Variants in PTGR3 observed in about 807,000 individuals in gnomAD.
PTGR3 encodes the protein prostaglandin reductase 3.
At chr18:75,208,790 C>A in the PTGR3 span, 1 of 1,322,356 alleles carries the variant, frequency 7.6e-7, no homozygotes. Context: ...GGGAGCGGCG[C>A]GGCGCGGCGC....
the PTGR3 span, chr18:75,197,375 T>C: frequency 6.6e-6 from 1 of 152,198 alleles, no homozygotes; most frequent in African/African-American, 2.4e-5. Flanking sequence ...AGACATCTCA[T>C]GTACCCCATA....
chr18:75,201,897 C>T, the PTGR3 span: 4 of 1,614,190 alleles, frequency 2.5e-6, 1 homozygote, highest in African/African-American at 4.0e-5. Flanking sequence ...AGGACGATCA[C>T]AGCCAAGAGA....
the PTGR3 span, chr18:75,202,416 C>T: frequency 6.9e-7 from 1 of 1,446,176 alleles, no homozygotes; most frequent in African/African-American, 1.4e-5. Flanking sequence ...AGAGAAATTC[C>T]TCTAGTTCTG....
the PTGR3 span, among the ~76,000 whole-genome samples, chr18:75,208,676 C>A: frequency 1.3e-4 from 20 of 152,212 alleles, no homozygotes; most frequent in Non-Finnish European, 2.8e-4. Context: ...TCACATTCGC[C>A]TTCGCCAGAT....
the PTGR3 span, chr18:75,201,518 A>C: frequency 6.2e-7 from 1 of 1,614,222 alleles, no homozygotes. Flanking sequence ...ACTCCAGGCC[A>C]GTAAACCTGC....
At chr18:75,204,591 TG>T in the PTGR3 span, among the ~76,000 whole-genome samples, 2 of 152,110 alleles carry the variant, frequency 1.3e-5, no homozygotes, top group Admixed American at 1.3e-4. Context: ...CCCTCAGAAG[TG>T]CCCGCTGCAG....
the PTGR3 span, chr18:75,202,025 T>A: frequency 1.2e-6 from 2 of 1,614,132 alleles, no homozygotes; most frequent in Non-Finnish European, 1.7e-6. Context: ...TCACCAAAAC[T>A]TTTTTCCCTT....
the PTGR3 span, among the ~76,000 whole-genome samples, chr18:75,207,270 T>G: frequency 2.0e-5 from 3 of 152,354 alleles, no homozygotes; most frequent in East Asian, 5.8e-4. Flanking sequence ...TCACAAACTT[T>G]TGTGTGTGTT....
chr18:75,208,710 A>C, the PTGR3 span: 1 of 926,506 alleles, frequency 1.1e-6, no homozygotes, highest in South Asian at 4.7e-5. Context: ...ACTTCCCGGG[A>C]TCTCGCAAAC....
the PTGR3 span, among the ~76,000 whole-genome samples, chr18:75,204,573 C>T: frequency 2.0e-5 from 3 of 152,188 alleles, no homozygotes; most frequent in Non-Finnish European, 4.4e-5. Context: ...GTCCATCTAA[C>T]TCCCTCTCCC....
the PTGR3 span, chr18:75,208,558 A>G: frequency 3.7e-5 from 20 of 546,264 alleles, no homozygotes; most frequent in East Asian, 1.0e-4. Context: ...CGGGAGCGGG[A>G]GGGGGAGGAG....
At chr18:75,202,852 A>G in the PTGR3 span, among the ~76,000 whole-genome samples, 1 of 152,204 alleles carries the variant, frequency 6.6e-6, no homozygotes, top group Non-Finnish European at 1.5e-5. Flanking sequence ...TTTAACACTT[A>G]AGATAATAAG....
At chr18:75,197,457 C>T in the PTGR3 span, 1 of 152,098 alleles carries the variant, frequency 6.6e-6, no homozygotes, top group Admixed American at 6.5e-5. Context: ...TTAAAGCGAC[C>T]ACACCAACCA....
chr18:75,208,430 C>T, the PTGR3 span: 1 of 993,726 alleles, frequency 1.0e-6, no homozygotes. Context: ...CTAAACGTCG[C>T]AGTTTGCGTC....
At chr18:75,208,076 T>C in the PTGR3 span, among the ~76,000 whole-genome samples, 5 of 152,130 alleles carry the variant, frequency 3.3e-5, no homozygotes, top group African/African-American at 1.2e-4. Context: ...TTACTAAAGA[T>C]GAGTGAGGCG....
chr18:75,197,123 C>T, the PTGR3 span: 1 of 151,744 alleles, frequency 6.6e-6, no homozygotes, highest in African/African-American at 2.4e-5. Flanking sequence ...CCTCCTTTTA[C>T]AAGGGGGATA....
chr18:75,202,302 G>A, the PTGR3 span: 16 of 1,613,864 alleles, frequency 9.9e-6, no homozygotes, highest in Non-Finnish European at 1.3e-5. Context: ...ATAGCGGCCT[G>A]CTGAATAGTT....
chr18:75,207,866 T>G, the PTGR3 span, among the ~76,000 whole-genome samples: 1 of 152,170 alleles, frequency 6.6e-6, no homozygotes, highest in Non-Finnish European at 1.5e-5. Context: ...CAGAACTTAC[T>G]CCTCCCTTTC....
chr18:75,200,575 C>CCTGGGG, the PTGR3 span: 1 of 152,096 alleles, frequency 6.6e-6, no homozygotes, highest in Non-Finnish European at 1.5e-5. Flanking sequence ...GACAGCGCTT[C>CCTGGGG]CCTCCTGGGG....
Sources: allele counts gnomAD v4.1 joint callset (sites outside exome capture counted in the v4.1 genomes callset), GRCh38; gene constraint gnomAD v4.1.1; transcripts MANE v1.5; gene names NCBI Gene and HGNC (gene_info 2026-07-23, HGNC 2026-07-21).